Variants in NSL1 observed in about 807,000 individuals in gnomAD.
NSL1 encodes kinetochore-associated protein NSL1 homolog.
In NSL1, 11 loss-of-function variants were observed where a neutral mutation model predicts 25.4. That is an observed-to-expected ratio of 0.43 (90% CI 0.27 to 0.72). The LOEUF (loss-of-function observed/expected upper bound fraction) is 0.72, where lower values mean the gene tolerates loss of function less well. NSL1 is among the 30% of genes least tolerant of loss of function. NSL1 has a pLI of 0.19. For missense variants in NSL1, 330 were observed against 342.7 expected (o/e 0.96, Z 0.29); for synonymous variants, 118 against 120.6 (o/e 0.98, Z 0.14).
At chr1:212,746,845 T>C (rs183895172) in intron 4 of NSL1, among the ~76,000 whole-genome samples, 1 of 152,288 alleles carries the variant, frequency 6.6e-6, no homozygotes, top group African/African-American at 2.4e-5. Flanking sequence ...TGTGTGGTAG[T>C]CTTCAAGATG....
chr1:212,777,848 T>C (rs1053471700), intron 4 of NSL1, among the ~76,000 whole-genome samples: 7 of 152,252 alleles, frequency 4.6e-5, no homozygotes, highest in African/African-American at 1.7e-4. Flanking sequence ...GCATTCTTTA[T>C]TTTCTATATT....
chr1:212,791,754 A>AC lies in NSL1; in HGVS notation c.9dup (p.Ser4ValfsTer3). 1.9e-6 allele frequency: 3 copies of AC among 1,596,106 alleles called. No homozygotes were observed. Among genetic ancestry groups the AC allele is most frequent in the Non-Finnish European group, 2.6e-6 (3 of 1,170,010 alleles). ...GGGTCAAGGACCACCAACTCAGGAGACCCCGCCATTTTTCGTCGGAACTGT... is the reference window on the plus strand; with the variant it reads ...GGGTCAAGGACCACCAACTCAGGAGACCCCCGCCATTTTTCGTCGGAACTGT... On this transcript the variant is annotated frameshift_variant, in exon 1 of 6. Transcript: ENST00000366977. LOFTEE classifies it high-confidence loss of function.
chr1:212,735,436 G>A lies in NSL1; in HGVS notation c.*2972C>T, dbSNP rs181575487. On this transcript the variant is annotated 3_prime_UTR_variant, in exon 6 of 6. Transcript: ENST00000366977. ...AAAGAAAAAGTACATCTTACAAGATGAAATCATACTGTTTGAAGCAATAAA... is the reference window on the plus strand; with the variant it reads ...AAAGAAAAAGTACATCTTACAAGATAAAATCATACTGTTTGAAGCAATAAA... 90 of 985,398 alleles carry A rather than the reference G, an allele frequency of 9.1e-5. No individual in the cohort carries two copies. The Admixed American group carries it at 1.4e-3, about 15-fold the overall frequency. 61.0% of individuals were successfully genotyped at this position (985,398 alleles called of 1,614,324 possible).
intron 4 of NSL1, among the ~76,000 whole-genome samples, chr1:212,771,883 T>C (rs900823185): frequency 6.6e-6 from 1 of 152,188 alleles, no homozygotes; most frequent in African/African-American, 2.4e-5. Flanking sequence ...TTTGGCTGTG[T>C]CCCCACCCAA....
At chr1:212,781,704 C>A (rs1282826345) in intron 4 of NSL1, among the ~76,000 whole-genome samples, 10 of 152,176 alleles carry the variant, frequency 6.6e-5, no homozygotes, top group South Asian at 2.1e-4. Flanking sequence ...TTAGAAATGT[C>A]ATTTTAAGTG....
Position 212,730,476 on chromosome 1 carries a change from C to A in NSL1, c.*7932G>T. Reference sequence around the variant, plus strand: ...TGAGCCCAAAGGCACTGGAGCCATTCTCTGAGTAAGGCTAGTCAAGGTGAT... The same window carrying A: ...TGAGCCCAAAGGCACTGGAGCCATTATCTGAGTAAGGCTAGTCAAGGTGAT... On this transcript the variant is annotated 3_prime_UTR_variant, in exon 6 of 6. Transcript: ENST00000366977. 1.0e-6 allele frequency: 1 copy of A among 985,346 alleles called. No individual in the cohort carries two copies. Among genetic ancestry groups the A allele is most frequent in the Non-Finnish European group, 1.2e-6 (1 of 829,926 alleles). The allele number at this position is 985,346 out of a possible 1,614,324, so 61.0% of individuals were successfully genotyped here. A position where few individuals can be genotyped will look rare whatever the true frequency, so the allele number is the denominator to read the frequency against.
chr1:212,767,036 A>C (rs1659853348), intron 4 of NSL1, among the ~76,000 whole-genome samples: 1 of 152,206 alleles, frequency 6.6e-6, no homozygotes, highest in South Asian at 2.1e-4. Context: ...CTACAAATTC[A>C]ACGCAATTCC....
At position 212,731,066 on chromosome 1, in the gene NSL1, T is replaced by C. The variant is rs1657993324; in HGVS notation, c.*7342A>G. ...CTTCAAATGAATATAACATTAATTT[T>C]CTCAAATCCTTTCATATAAAATCCC... On this transcript the variant is annotated 3_prime_UTR_variant, in exon 6 of 6. Coordinates refer to ENST00000366977, the MANE Select transcript of NSL1 (RefSeq NM_015471.4). 1.0e-6 allele frequency: 1 copy of C among 985,172 alleles called. No individual in the cohort carries two copies. Among genetic ancestry groups the C allele is most frequent in the Non-Finnish European group, 1.2e-6 (1 of 829,730 alleles). 61.0% of individuals were successfully genotyped at this position (985,172 alleles called of 1,614,324 possible).
In NSL1 at chr1:212,791,382, C is replaced by A. The variant is rs1661250536; in HGVS notation, c.234+148G>T. ...AGCTGACATTAGCATCTATTTCTTT[C>A]TCCTCTAGCGTTTCTCGAACTGGTT... On this transcript the variant is annotated intron_variant, in intron 1 of 5. Coordinates refer to ENST00000366977, the MANE Select transcript of NSL1 (RefSeq NM_015471.4). 3 of 736,768 alleles carry A rather than the reference C, an allele frequency of 4.1e-6. No homozygotes were observed. In the Admixed American group the frequency reaches 7.2e-5, roughly 18 times the overall value. 45.6% of individuals were successfully genotyped at this position (736,768 alleles called of 1,614,324 possible).
intron 4 of NSL1, among the ~76,000 whole-genome samples, chr1:212,768,134 A>C (rs1043050635): frequency 6.6e-6 from 1 of 152,182 alleles, no homozygotes; most frequent in Non-Finnish European, 1.5e-5. Context: ...AGCCTGGCCA[A>C]TATGGTGAAA....
chr1:212,791,450 G>T, intron 1 of NSL1, 80 bp downstream of exon 1: 1 of 1,304,528 alleles, frequency 7.7e-7, no homozygotes, highest in Non-Finnish European at 1.1e-6. Context: ...AAGGCCTGGC[G>T]TGGGATCTTT....
intron 3 of NSL1, 87 bp from the exon 4 acceptor site, chr1:212,782,513 G>C (rs1660772219): frequency 4.2e-6 from 4 of 949,376 alleles, no homozygotes; most frequent in African/African-American, 3.3e-5. Flanking sequence ...ATATACTATA[G>C]AGTCAGTACC....
In NSL1 at chr1:212,730,613, G is replaced by T. The variant is rs1409580565; in HGVS notation, c.*7795C>A. 6 of 985,264 alleles carry T rather than the reference G, an allele frequency of 6.1e-6. No homozygotes were observed. The highest frequency in any genetic ancestry group is 7.2e-6 in the Non-Finnish European group (6 of 829,940). The allele number at this position is 985,264 out of a possible 1,614,324, so 61.0% of individuals were successfully genotyped here. A position where few individuals can be genotyped will look rare whatever the true frequency, so the allele number is the denominator to read the frequency against. On this transcript the variant is annotated 3_prime_UTR_variant, in exon 6 of 6. Coordinates refer to ENST00000366977, the MANE Select transcript of NSL1 (RefSeq NM_015471.4). ...TATCCCAGGCCACCCAGAAGTCAGG[G>T]GATGTGACCAAAGGAAAAGGTGATC...
chr1:212,753,017 C>T (rs1168553396), intron 4 of NSL1, among the ~76,000 whole-genome samples: 1 of 152,114 alleles, frequency 6.6e-6, no homozygotes, highest in Non-Finnish European at 1.5e-5. Context: ...GTAATTAAGC[C>T]ATTAGAACCA....
chr1:212,752,853 G>C (rs998851736), intron 4 of NSL1, among the ~76,000 whole-genome samples: 8 of 145,482 alleles, frequency 5.5e-5, no homozygotes, highest in Non-Finnish European at 1.2e-4. Context: ...TAGGAAACAT[G>C]AACTTCCAAA....
intron 4 of NSL1, among the ~76,000 whole-genome samples, chr1:212,781,326 C>A (rs933432204): frequency 6.6e-6 from 1 of 152,136 alleles, no homozygotes; most frequent in Non-Finnish European, 1.5e-5. Flanking sequence ...AAAAGTAATA[C>A]TTGAGTATAT....
At chr1:212,772,265 A>G (rs1298359478) in intron 4 of NSL1, among the ~76,000 whole-genome samples, 1 of 152,228 alleles carries the variant, frequency 6.6e-6, no homozygotes, top group Non-Finnish European at 1.5e-5. Flanking sequence ...TGCACAAATC[A>G]GAAGAATTAA....
intron 4 of NSL1, among the ~76,000 whole-genome samples, chr1:212,773,228 T>G (rs938458202): frequency 6.6e-6 from 1 of 151,980 alleles, no homozygotes; most frequent in East Asian, 1.9e-4. Flanking sequence ...AAGGAAACAA[T>G]CAACAGAGTA....
chr1:212,790,904 C>T (rs1661194380), intron 1 of NSL1, among the ~76,000 whole-genome samples: 1 of 150,168 alleles, frequency 6.7e-6, no homozygotes, highest in Admixed American at 6.6e-5. Flanking sequence ...GCCTGGGCGA[C>T]AGAGCGAGAC....
Sources: gnomAD v4.1 joint callset for allele counts (sites outside exome capture counted in the v4.1 genomes callset) on GRCh38, gnomAD v4.1.1 for gene constraint, MANE v1.5 for transcripts, NCBI Gene and HGNC (gene_info 2026-07-23, HGNC 2026-07-21) for gene names.